The following ANKFN1 variants were observed in gnomAD, a reference collection of about 807,000 sequenced individuals.
The protein encoded by ANKFN1 is ankyrin repeat and fibronectin type-III domain-containing protein 1.
ANKFN1 carries 74 observed loss-of-function variants against 108.7 expected under a neutral mutation model. That is an observed-to-expected ratio of 0.68 (90% CI 0.56 to 0.83). The LOEUF is 0.83. Among genes scored for constraint, ANKFN1 ranks in the 40% least tolerant of loss-of-function variants. The pLI is 0.00. For missense variants in ANKFN1, 1,505 were observed against 1,382.3 expected, an observed-to-expected ratio of 1.09 and a Z score of -1.41; for synonymous variants, 547 against 516.2, an observed-to-expected ratio of 1.06 and a Z score of -0.81.
intron 4 of ANKFN1, among the ~76,000 whole-genome samples, chr17:56,062,263 T>A (rs1904987224): frequency 6.6e-6 from 1 of 152,212 alleles, no homozygotes. Context: ...GATCCAAAGC[T>A]GAGTTCAAGT....
intron 8 of ANKFN1, among the ~76,000 whole-genome samples, chr17:56,416,374 T>C (rs1210748506): frequency 6.6e-6 from 1 of 152,120 alleles, no homozygotes; most frequent in Non-Finnish European, 1.5e-5. Flanking sequence ...TCTAATAATC[T>C]GATTTTAAAA....
In ANKFN1 at chr17:56,188,543, A is replaced by ATGTG. The variant is rs1466873294; in HGVS notation, c.-70-24054_-70-24053insGTGT. ...ATATATAAGAAATAAAATAAGATGT[A>ATGTG]TATGTGTGTGTGTGTGTGTATGTGT... On this transcript the variant is annotated intron_variant, in intron 1 of 20. Transcript: ENST00000682825. Among the ~76,000 whole-genome samples, 714 of 73,158 alleles carry ATGTG rather than the reference A, an allele frequency of 9.8e-3. 28 individuals are homozygous for ATGTG. Among genetic ancestry groups the ATGTG allele is most frequent in the East Asian group, 0.038 (75 of 1,960 alleles). 48.0% of individuals were successfully genotyped at this position (73,158 alleles called of 152,430 possible). A position where few individuals can be genotyped will look rare whatever the true frequency, so the allele number is the denominator to read the frequency against.
At chr17:56,228,214 A>G in intron 3 of ANKFN1, 1 of 400,262 alleles carries the variant, frequency 2.5e-6, no homozygotes, top group South Asian at 5.0e-5. Flanking sequence ...GAGTAAAAAA[A>G]TAGGCAATAT....
chr17:56,317,660 C>T (rs958782556), intron 3 of ANKFN1, among the ~76,000 whole-genome samples: 7 of 152,146 alleles, frequency 4.6e-5, no homozygotes, highest in African/African-American at 1.7e-4. Flanking sequence ...CTAAGGGTAT[C>T]GGGTTTATCA....
intron 15 of ANKFN1, chr17:56,471,917 T>C (rs2050330295): frequency 6.6e-6 from 1 of 152,316 alleles, no homozygotes; most frequent in East Asian, 1.9e-4. Context: ...AGCTAATGAA[T>C]GTGTGGTTTC....
At chr17:56,202,284 A>G (rs1914132081) in intron 1 of ANKFN1, among the ~76,000 whole-genome samples, 1 of 148,820 alleles carries the variant, frequency 6.7e-6, no homozygotes, top group South Asian at 2.1e-4. Flanking sequence ...AGTAAGAGTC[A>G]AAGACTTTCT....
chr17:56,401,246 G>A (rs2047752549), intron 8 of ANKFN1, among the ~76,000 whole-genome samples: 1 of 151,924 alleles, frequency 6.6e-6, no homozygotes, highest in South Asian at 2.1e-4. Flanking sequence ...ATTTGTTTGT[G>A]TCATCTATGA....
At chr17:56,102,019 A>G (rs1905656913) in intron 4 of ANKFN1, among the ~76,000 whole-genome samples, 1 of 152,202 alleles carries the variant, frequency 6.6e-6, no homozygotes, top group African/African-American at 2.4e-5. Flanking sequence ...ATTTAAAATG[A>G]TTGTCCTTAA....
chr17:56,085,670 A>T (rs1322411414), intron 4 of ANKFN1, among the ~76,000 whole-genome samples: 1 of 151,410 alleles, frequency 6.6e-6, no homozygotes, highest in South Asian at 2.1e-4. Context: ...TGGGATGACC[A>T]TCTGTGGATG....
At chr17:56,283,960 C>T (rs1020683125) in intron 3 of ANKFN1, among the ~76,000 whole-genome samples, 1 of 152,110 alleles carries the variant, frequency 6.6e-6, no homozygotes, top group African/African-American at 2.4e-5. Context: ...AGAAAATTAT[C>T]TGATATTATT....
intron 8 of ANKFN1, among the ~76,000 whole-genome samples, chr17:56,432,400 G>A (rs2048787310): frequency 6.6e-6 from 1 of 152,294 alleles, no homozygotes; most frequent in South Asian, 2.1e-4. Context: ...ATAAAATATT[G>A]TAATAATGTA....
chr17:56,226,112 T>C (rs1468062821), intron 2 of ANKFN1, among the ~76,000 whole-genome samples: 1 of 152,154 alleles, frequency 6.6e-6, no homozygotes, highest in Non-Finnish European at 1.5e-5. Flanking sequence ...TTTTTTTGTT[T>C]GGAAGGGCAA....
intron 4 of ANKFN1, among the ~76,000 whole-genome samples, chr17:56,118,209 G>A (rs1369199949): frequency 2.6e-5 from 4 of 151,992 alleles, no homozygotes; most frequent in African/African-American, 4.8e-5. Flanking sequence ...ACAAGTTTGC[G>A]AGGTCATATG....
At chr17:56,361,645 G>A (rs939025268) in intron 6 of ANKFN1, among the ~76,000 whole-genome samples, 1 of 152,056 alleles carries the variant, frequency 6.6e-6, no homozygotes, top group African/African-American at 2.4e-5. Flanking sequence ...AATAGTAAAT[G>A]TTTGTCTCAT....
chr17:56,162,242 A>T (rs1366256625), intron 1 of ANKFN1, among the ~76,000 whole-genome samples: 1 of 152,228 alleles, frequency 6.6e-6, no homozygotes, highest in African/African-American at 2.4e-5. Context: ...ATACATAATA[A>T]GTATGCATCT....
At chr17:56,089,650 T>A (rs770491020) in intron 4 of ANKFN1, among the ~76,000 whole-genome samples, 1 of 151,332 alleles carries the variant, frequency 6.6e-6, no homozygotes, top group Non-Finnish European at 1.5e-5. Flanking sequence ...TAAATAGATG[T>A]ATTTTGCGTG....
intron 2 of ANKFN1, among the ~76,000 whole-genome samples, chr17:56,215,495 C>G (rs1260007954): frequency 2.0e-5 from 3 of 152,058 alleles, no homozygotes; most frequent in Non-Finnish European, 4.4e-5. Flanking sequence ...ATGAAAGGGA[C>G]AAGAACAGGA....
intron 1 of ANKFN1, among the ~76,000 whole-genome samples, chr17:56,212,127 G>A (rs533631794): frequency 1.3e-5 from 2 of 151,784 alleles, no homozygotes; most frequent in Non-Finnish European, 2.9e-5. Flanking sequence ...CAGTTCTCGG[G>A]GGAATGCTTT....
At chr17:56,163,737 C>A (rs1186228430) in intron 1 of ANKFN1, among the ~76,000 whole-genome samples, 1 of 152,204 alleles carries the variant, frequency 6.6e-6, no homozygotes, top group Admixed American at 6.5e-5. Flanking sequence ...TTTAGCTCTA[C>A]CTAATAGTGT....
Sources: allele counts gnomAD v4.1 joint callset (sites outside exome capture counted in the v4.1 genomes callset), GRCh38; gene constraint gnomAD v4.1.1; transcripts MANE v1.5; gene names NCBI Gene and HGNC (gene_info 2026-07-23, HGNC 2026-07-21).